Variants in PDE1C observed in about 807,000 individuals in gnomAD.
PDE1C encodes the protein dual specificity calcium/calmodulin-dependent 3',5'-cyclic nucleotide phosphodiesterase 1C.
Under a neutral mutation model 93.1 loss-of-function variants are expected in PDE1C, and 62 were observed. The observed-to-expected ratio is 0.67, with a 90% CI of 0.54 to 0.82. The LOEUF is 0.82. PDE1C is among the 40% of genes least tolerant of loss of function. PDE1C has a pLI of 0.00. For missense variants in PDE1C, 742 were observed against 884.6 expected, an observed-to-expected ratio of 0.84 and a Z score of 2.04; for synonymous variants, 325 against 310.1, an observed-to-expected ratio of 1.05 and a Z score of -0.50.
intron 2 of PDE1C, among the ~76,000 whole-genome samples, chr7:31,918,593 AAAT>A (rs1164846587): frequency 6.6e-6 from 1 of 152,200 alleles, no homozygotes; most frequent in African/African-American, 2.4e-5. Context: ...TCTGCAGCAC[AAAT>A]GAGCTTCCCT....
At chr7:32,169,698 C>A (rs1313722637) in intron 3 of PDE1C, 20 of 1,108,870 alleles carry the variant, frequency 1.8e-5, no homozygotes, top group Non-Finnish European at 2.3e-5. Context: ...AAGTAATTTG[C>A]TGGCCACACT....
At chr7:32,414,234 A>G (rs1436623864) in intron 1 of PDE1C, among the ~76,000 whole-genome samples, 1 of 151,746 alleles carries the variant, frequency 6.6e-6, no homozygotes, top group Non-Finnish European at 1.5e-5. Context: ...AGGAAAAATT[A>G]AAAAATAATA....
chr7:31,743,575 GCACACACA>G, the PDE1C span, among the ~76,000 whole-genome samples: 1 of 147,876 alleles, frequency 6.8e-6, no homozygotes, highest in Non-Finnish European at 1.5e-5. Flanking sequence ...GTGTGTGTGC[GCACACACA>G]CACACACACA....
chr7:31,635,616 G>T, the PDE1C span, among the ~76,000 whole-genome samples: 1 of 152,124 alleles, frequency 6.6e-6, no homozygotes, highest in East Asian at 1.9e-4. Context: ...ACCTTTTAGG[G>T]ACCCTTTGTA....
intron 2 of PDE1C, among the ~76,000 whole-genome samples, chr7:32,194,615 A>C (rs1348431746): frequency 6.6e-6 from 1 of 152,174 alleles, no homozygotes; most frequent in Non-Finnish European, 1.5e-5. Context: ...TAGCCACTAC[A>C]GGTTTCCTTC....
intron 2 of PDE1C, among the ~76,000 whole-genome samples, chr7:31,918,261 C>T (rs1802178187): frequency 6.6e-6 from 1 of 152,122 alleles, no homozygotes; most frequent in African/African-American, 2.4e-5. Flanking sequence ...TTCTATGTTC[C>T]AATTTTATTC....
At chr7:31,973,266 AAAAG>A (rs1811208493) in intron 2 of PDE1C, among the ~76,000 whole-genome samples, 1 of 152,178 alleles carries the variant, frequency 6.6e-6, no homozygotes, top group Non-Finnish European at 1.5e-5. Context: ...TTAGATGGAG[AAAAG>A]AAAGAGTAGA....
At position 31,922,383 on chromosome 7, in the gene PDE1C, T is replaced by C. The variant is rs185405839; in HGVS notation, c.129-41523A>G. Among the ~76,000 whole-genome samples the C allele has an allele frequency of 1.8e-4, 28 of 152,358 alleles. 1 individual carries two copies. Among genetic ancestry groups the C allele is most frequent in the East Asian group, 1.5e-3 (8 of 5,194 alleles). On this transcript the variant is annotated intron_variant, in intron 2 of 17. Transcript: ENST00000396191. ...AACAGTCTTTTCCCCATCATTTGCATAGTGATAGAGCTTTTATAGTTTTAA... is the reference window on the plus strand; with the variant it reads ...AACAGTCTTTTCCCCATCATTTGCACAGTGATAGAGCTTTTATAGTTTTAA...
the PDE1C span, among the ~76,000 whole-genome samples, chr7:31,716,738 G>A: frequency 6.6e-6 from 1 of 152,018 alleles, no homozygotes; most frequent in African/African-American, 2.4e-5. Flanking sequence ...TGAAAGAAGG[G>A]ATTGGCCACA....
intron 1 of PDE1C, among the ~76,000 whole-genome samples, chr7:32,337,640 C>T (rs1274705440): frequency 2.6e-5 from 4 of 151,390 alleles, no homozygotes; most frequent in Non-Finnish European, 4.4e-5. Flanking sequence ...GCATCAGGGA[C>T]GGAGATAGAT....
At chr7:31,791,627 C>T (rs988764816) in intron 16 of PDE1C, among the ~76,000 whole-genome samples, 3 of 152,026 alleles carry the variant, frequency 2.0e-5, no homozygotes, top group Admixed American at 2.0e-4. Flanking sequence ...AAATGTAAAG[C>T]CCAATTTTGT....
chr7:32,118,092 A>G (rs1450514821), intron 3 of PDE1C, among the ~76,000 whole-genome samples: 1 of 152,178 alleles, frequency 6.6e-6, no homozygotes, highest in Non-Finnish European at 1.5e-5. Context: ...GAGCCTGGGA[A>G]GTCATGCGAG....
At chr7:32,082,313 G>T (rs1796731136) in intron 3 of PDE1C, among the ~76,000 whole-genome samples, 1 of 152,164 alleles carries the variant, frequency 6.6e-6, no homozygotes, top group Non-Finnish European at 1.5e-5. Flanking sequence ...CTGGGGGAGG[G>T]GCGCCCGCCA....
chr7:31,827,589 C>T (rs1321090889), intron 12 of PDE1C, among the ~76,000 whole-genome samples: 1 of 151,920 alleles, frequency 6.6e-6, no homozygotes, highest in Non-Finnish European at 1.5e-5. Flanking sequence ...ACTCAATATA[C>T]ATTATAAAAA....
intron 16 of PDE1C, chr7:31,790,073 G>T: frequency 7.0e-7 from 1 of 1,436,956 alleles, no homozygotes; most frequent in South Asian, 1.6e-5. Flanking sequence ...CCCCTGGAAG[G>T]AGATGGTGTG....
intron 6 of PDE1C, 49 bp from the exon 7 acceptor site, chr7:31,865,131 A>T (rs780171246): frequency 6.2e-7 from 1 of 1,603,870 alleles, no homozygotes; most frequent in South Asian, 1.1e-5. Context: ...ACTGCTTTCA[A>T]TGGAGACACA....
intron 1 of PDE1C, among the ~76,000 whole-genome samples, chr7:32,370,492 A>G (rs1430392341): frequency 6.6e-6 from 1 of 150,992 alleles, no homozygotes; most frequent in African/African-American, 2.4e-5. Flanking sequence ...TTCTAGGGAC[A>G]TGGATGAAGC....
intron 2 of PDE1C, among the ~76,000 whole-genome samples, chr7:31,908,110 C>T (rs28526811): frequency 1.3e-5 from 2 of 152,088 alleles, no homozygotes; most frequent in African/African-American, 4.8e-5. Flanking sequence ...ACAAAAGTGA[C>T]ATTCAGTCAT....
At chr7:31,637,011 T>C in the PDE1C span, among the ~76,000 whole-genome samples, 5 of 151,774 alleles carry the variant, frequency 3.3e-5, no homozygotes, top group African/African-American at 9.7e-5. Context: ...TTGCGATAGT[T>C]TGCTGAGAAT....
Sources: allele counts gnomAD v4.1 joint callset (sites outside exome capture counted in the v4.1 genomes callset), GRCh38; gene constraint gnomAD v4.1.1; transcripts MANE v1.5; gene names NCBI Gene and HGNC (gene_info 2026-07-23, HGNC 2026-07-21).